The following DCC variants were observed in gnomAD, a reference collection of about 807,000 sequenced individuals.
DCC encodes DCC netrin 1 receptor.
In DCC, 58 loss-of-function variants were observed where a neutral mutation model predicts 172.5. The ratio of observed to expected loss-of-function variants is 0.34; its 90% CI spans 0.27 to 0.42. The LOEUF (loss-of-function observed/expected upper bound fraction) is 0.42, where lower values mean the gene tolerates loss of function less well. Among genes scored for constraint, DCC ranks in the 10% least tolerant of loss-of-function variants. The probability of loss-of-function intolerance (pLI) is 1.00; values close to 1 mark genes in which losing one functional copy is unlikely to be tolerated. For synonymous variants in DCC, 709 were observed against 644.5 expected (o/e 1.10, Z -1.52); for missense variants, 1,740 against 1,791.0 (o/e 0.97, Z 0.51).
intron 1 of DCC, among the ~76,000 whole-genome samples, chr18:52,372,936 T>C (rs999664796): frequency 1.1e-4 from 16 of 152,200 alleles, no homozygotes; most frequent in Non-Finnish European, 1.9e-4. Flanking sequence ...TGCATTTTGC[T>C]AAAAACCTGT....
chr18:53,015,919 C>A (rs919417237), intron 5 of DCC, among the ~76,000 whole-genome samples: 4 of 151,946 alleles, frequency 2.6e-5, no homozygotes, highest in Non-Finnish European at 4.4e-5. Flanking sequence ...TCTCTTTAAC[C>A]AAAACATATA....
intron 7 of DCC, among the ~76,000 whole-genome samples, chr18:53,068,647 C>T (rs929696558): frequency 1.3e-5 from 2 of 151,846 alleles, no homozygotes; most frequent in Non-Finnish European, 2.9e-5. Context: ...AGTGAGCATC[C>T]CTGTACCTGC....
At chr18:52,388,862 G>A (rs180827035) in intron 1 of DCC, among the ~76,000 whole-genome samples, 33 of 152,204 alleles carry the variant, frequency 2.2e-4, no homozygotes, top group Admixed American at 1.2e-3. Context: ...TGATAGCTTC[G>A]ACTATAAGCT....
chr18:52,844,069 G>A lies in DCC; in HGVS notation c.413-61975G>A, dbSNP rs547956029. On this transcript the variant is annotated intron_variant, in intron 2 of 28. Transcript: ENST00000442544. ...TAGGCAAGAGAATTGATCTCTCTTT[G>A]CCCAATTTTCTTGTCAATAATGTGA... Among the ~76,000 whole-genome samples, 19 of 152,090 alleles carry A rather than the reference G, an allele frequency of 1.2e-4. No homozygotes were observed. The South Asian group carries it at 4.0e-3, about 32-fold the overall frequency.
intron 12 of DCC, among the ~76,000 whole-genome samples, chr18:53,239,361 G>A (rs1204679798): frequency 3.3e-5 from 5 of 151,840 alleles, no homozygotes; most frequent in Non-Finnish European, 7.4e-5. Context: ...ATCATTTTGG[G>A]GTTTTTCAAA....
chr18:53,079,311 C>G, intron 7 of DCC, among the ~76,000 whole-genome samples: 1 of 151,986 alleles, frequency 6.6e-6, no homozygotes, highest in South Asian at 2.1e-4. Context: ...AGCCTTACTT[C>G]TCATTATTTA....
At chr18:53,087,091 A>T (rs1219104904) in intron 7 of DCC, among the ~76,000 whole-genome samples, 3 of 151,926 alleles carry the variant, frequency 2.0e-5, no homozygotes. Context: ...TAGCAGCATG[A>T]TTTATAGTCC....
At chr18:52,651,422 A>T (rs563932329) in intron 1 of DCC, among the ~76,000 whole-genome samples, 37 of 151,400 alleles carry the variant, frequency 2.4e-4, no homozygotes, top group African/African-American at 6.8e-4. Flanking sequence ...GGCTCAAGCG[A>T]TCCTCCTGCC....
At chr18:53,085,301 G>T (rs1393670203) in intron 7 of DCC, among the ~76,000 whole-genome samples, 4 of 152,034 alleles carry the variant, frequency 2.6e-5, no homozygotes, top group African/African-American at 9.7e-5. Context: ...AAAAATGTAT[G>T]CAAGAAAACC....
chr18:52,474,228 GAGAGAGAGAGAGAGAA>G (rs780155178), intron 1 of DCC, among the ~76,000 whole-genome samples: 3,686 of 134,690 alleles, frequency 0.027, 84 homozygotes, highest in Middle Eastern at 0.076. Context: ...GAGAGAGAGA[GAGAGAGAGAGAGAGAA>G]AGAGAGAGAA....
chr18:53,521,879 G>A (rs2046402990), intron 27 of DCC, among the ~76,000 whole-genome samples: 1 of 152,054 alleles, frequency 6.6e-6, no homozygotes, highest in African/African-American at 2.4e-5. Context: ...AGAGACAAAT[G>A]TTCATTTTTA....
intron 12 of DCC, among the ~76,000 whole-genome samples, chr18:53,296,848 T>C (rs1294518153): frequency 3.9e-5 from 6 of 152,230 alleles, no homozygotes; most frequent in Non-Finnish European, 7.3e-5. Context: ...CCTGCTATGT[T>C]CCAGCCAAGG....
At chr18:53,527,608 A>T (rs1027831428) in intron 28 of DCC, among the ~76,000 whole-genome samples, 2 of 152,034 alleles carry the variant, frequency 1.3e-5, no homozygotes, top group Admixed American at 6.5e-5. Context: ...AGACAGAAAA[A>T]GTTTTACTAA....
intron 1 of DCC, among the ~76,000 whole-genome samples, chr18:52,571,087 CA>C (rs1185926072): frequency 6.6e-6 from 1 of 152,082 alleles, no homozygotes; most frequent in African/African-American, 2.4e-5. Context: ...ACAAGGTGCA[CA>C]AAAACTTTTT....
intron 5 of DCC, among the ~76,000 whole-genome samples, chr18:53,034,543 C>G (rs2042066530): frequency 6.6e-6 from 1 of 152,082 alleles, no homozygotes; most frequent in Non-Finnish European, 1.5e-5. Flanking sequence ...CCATGCCATG[C>G]TGGCTCAAAC....
At chr18:52,714,454 AC>A (rs1197386560) in intron 1 of DCC, among the ~76,000 whole-genome samples, 1 of 152,184 alleles carries the variant, frequency 6.6e-6, no homozygotes, top group African/African-American at 2.4e-5. Context: ...GCTCTGTAAT[AC>A]TTTTTAAATG....
chr18:53,335,221 G>C (rs993498992), intron 14 of DCC, among the ~76,000 whole-genome samples: 1 of 152,046 alleles, frequency 6.6e-6, no homozygotes, highest in Admixed American at 6.6e-5. Context: ...TGCTTGACTG[G>C]CCCTTTCAGG....
chr18:52,577,160 T>C (rs541767130), intron 1 of DCC, among the ~76,000 whole-genome samples: 1 of 152,276 alleles, frequency 6.6e-6, no homozygotes, highest in Non-Finnish European at 1.5e-5. Flanking sequence ...ATGTGTAACT[T>C]CCTATTTATA....
chr18:52,475,754 G>T (rs1169493480), intron 1 of DCC, among the ~76,000 whole-genome samples: 1 of 151,992 alleles, frequency 6.6e-6, no homozygotes, highest in Non-Finnish European at 1.5e-5. Context: ...GAAGAACAAG[G>T]GATAGATTAT....
Sources: allele counts gnomAD v4.1 joint callset (sites outside exome capture counted in the v4.1 genomes callset), GRCh38; gene constraint gnomAD v4.1.1; transcripts MANE v1.5; gene names NCBI Gene and HGNC (gene_info 2026-07-23, HGNC 2026-07-21).